The following ARHGEF4 variants were observed in gnomAD, a reference collection of about 807,000 sequenced individuals.
The protein encoded by ARHGEF4 is Rho guanine nucleotide exchange factor 4.
In ARHGEF4, 119 loss-of-function variants were observed where a neutral mutation model predicts 162.0. That is an observed-to-expected ratio of 0.73 (90% CI 0.63 to 0.86). The LOEUF (loss-of-function observed/expected upper bound fraction) is 0.86, where lower values mean the gene tolerates loss of function less well. ARHGEF4 is among the 40% of genes least tolerant of loss of function. The probability of loss-of-function intolerance (pLI) is 0.00; values close to 1 mark genes in which losing one functional copy is unlikely to be tolerated. For synonymous variants in ARHGEF4, 1,014 were observed against 979.9 expected (o/e 1.03, Z -0.65); for missense variants, 2,488 against 2,456.0 (o/e 1.01, Z -0.28).
intron 1 of ARHGEF4, among the ~76,000 whole-genome samples, chr2:130,849,676 T>C (rs1681261640): frequency 6.6e-6 from 1 of 151,850 alleles, no homozygotes; most frequent in Admixed American, 6.6e-5. Context: ...TCAAGTATTC[T>C]CCTGCCTCAA....
chr2:131,032,290 C>T (rs79764075), intron 5 of ARHGEF4, among the ~76,000 whole-genome samples: 12,456 of 151,986 alleles, frequency 0.082, 705 homozygotes, highest in African/African-American at 0.17. Flanking sequence ...TGGCATTCTC[C>T]ATGAGACAAC....
At chr2:131,008,413 G>T (rs749555588) in intron 4 of ARHGEF4, among the ~76,000 whole-genome samples, 1 of 151,990 alleles carries the variant, frequency 6.6e-6, no homozygotes, top group Non-Finnish European at 1.5e-5. Context: ...ATGTTTTGAT[G>T]AATTTTCACA....
intron 4 of ARHGEF4, among the ~76,000 whole-genome samples, chr2:130,959,127 A>G (rs1340996627): frequency 6.6e-6 from 1 of 151,826 alleles, no homozygotes; most frequent in African/African-American, 2.4e-5. Context: ...TTTTTAGTAG[A>G]GATGGGGTTT....
chr2:130,973,306 C>T (rs114205611), intron 4 of ARHGEF4, among the ~76,000 whole-genome samples: 6,362 of 152,240 alleles, frequency 0.042, 147 homozygotes, highest in Middle Eastern at 0.071. Context: ...CTGGCCAACA[C>T]AGTGAAAGGC....
At chr2:130,933,626 G>A (rs940365884) in intron 3 of ARHGEF4, among the ~76,000 whole-genome samples, 5 of 152,180 alleles carry the variant, frequency 3.3e-5, no homozygotes, top group African/African-American at 4.8e-5. Context: ...AGTTTTCACT[G>A]TAAAAAGTCT....
At chr2:130,945,980 A>C (rs976275277) in intron 3 of ARHGEF4, among the ~76,000 whole-genome samples, 1 of 152,192 alleles carries the variant, frequency 6.6e-6, no homozygotes, top group Non-Finnish European at 1.5e-5. Flanking sequence ...AGGTAGAAAA[A>C]AATCAAGAGG....
At chr2:130,876,393 C>CT (rs1043308059) in intron 1 of ARHGEF4, among the ~76,000 whole-genome samples, 13 of 151,946 alleles carry the variant, frequency 8.6e-5, no homozygotes, top group African/African-American at 2.4e-4. Flanking sequence ...GTATGAGCAT[C>CT]TTTTTTTTGT....
rs1196304812 is a variant in ARHGEF4 at position 130,836,927 on chromosome 2, C to G, written c.-27C>G. The G allele has an allele frequency of 2.5e-6, 3 of 1,223,358 alleles. No individual in the cohort carries two copies. The highest frequency in any genetic ancestry group is 3.2e-5 in the East Asian group (1 of 31,064). 75.8% of individuals were successfully genotyped at this position (1,223,358 alleles called of 1,614,324 possible). ...GCGGCGCGGCTCGTAGTGCTGCGGC[C>G]GGGCTCCGGGCGTCCCGGCGGCCAC... On this transcript the variant is annotated 5_prime_UTR_variant, in exon 1 of 14. Coordinates refer to ENST00000409359, the MANE Select transcript of ARHGEF4 (RefSeq NM_001367493.1).
At chr2:130,864,519 G>A (rs1239058219) in intron 1 of ARHGEF4, among the ~76,000 whole-genome samples, 2 of 152,206 alleles carry the variant, frequency 1.3e-5, no homozygotes, top group Non-Finnish European at 2.9e-5. Context: ...GAGGTCAGGA[G>A]TTCAAGACCA....
At chr2:131,039,444 C>T in intron 6 of ARHGEF4, 3 of 1,026,956 alleles carry the variant, frequency 2.9e-6, no homozygotes, top group Non-Finnish European at 3.5e-6. Context: ...CTGGAGATAG[C>T]AGAGAGGGGA....
chr2:131,045,771 G>A, intron 13 of ARHGEF4: 4 of 1,427,048 alleles, frequency 2.8e-6, no homozygotes, highest in Non-Finnish European at 3.7e-6. Flanking sequence ...TTTCTACAGA[G>A]AGCCATGCCC....
Position 130,915,224 on chromosome 2 carries a change from A to G in ARHGEF4, c.1278A>G (p.Glu426=), listed in dbSNP as rs967495199. 1.7e-5 allele frequency: 26 copies of G among 1,550,478 alleles called. No homozygotes were observed. Among genetic ancestry groups the G allele is most frequent in the Non-Finnish European group, 2.1e-5 (24 of 1,147,014 alleles). ...CTCCTTCTGCAGGTCTCCTGGGGGAAAACCAGTTAAGACAGGATTCCAGGT... is the reference window on the plus strand; with the variant it reads ...CTCCTTCTGCAGGTCTCCTGGGGGAGAACCAGTTAAGACAGGATTCCAGGT... ...QDTPSAGLLG[E]NQLRQDSRSC... is the part of the protein sequence containing the mutation. Residue 426 remains glutamate (E), a synonymous_variant, in exon 2 of 14, where the codon GAA becomes GAG. Coordinates refer to ENST00000409359, the MANE Select transcript of ARHGEF4 (RefSeq NM_001367493.1).
chr2:131,044,073 G>A lies in ARHGEF4; in HGVS notation c.5158-226G>A, dbSNP rs148293958. On this transcript the variant is annotated intron_variant, in intron 11 of 13. Transcript: ENST00000409359. Reference sequence around the variant, plus strand: ...CCACCTCAAAGACAGGGCCAACCCCGGGCTAGTCAGTACCTGCAAAATAAA... The same window carrying A: ...CCACCTCAAAGACAGGGCCAACCCCAGGCTAGTCAGTACCTGCAAAATAAA... Among the ~76,000 whole-genome samples, 918 of 152,244 alleles carry A rather than the reference G, an allele frequency of 6.0e-3. 9 individuals are homozygous for A. Among genetic ancestry groups the A allele is most frequent in the African/African-American group, 0.021 (857 of 41,550 alleles).
At chr2:130,844,857 T>C (rs2104862807) in intron 1 of ARHGEF4, among the ~76,000 whole-genome samples, 1 of 151,994 alleles carries the variant, frequency 6.6e-6, no homozygotes, top group Non-Finnish European at 1.5e-5. Flanking sequence ...AATCTCATAC[T>C]CTTGTCACCC....
intron 4 of ARHGEF4, among the ~76,000 whole-genome samples, chr2:130,977,720 G>T (rs1263712015): frequency 1.3e-5 from 2 of 151,942 alleles, no homozygotes; most frequent in African/African-American, 4.8e-5. Flanking sequence ...TGCATCTTGT[G>T]CGTGTGTGGT....
intron 5 of ARHGEF4, chr2:131,034,905 C>T (rs1690126710): frequency 1.1e-6 from 1 of 896,112 alleles, no homozygotes; most frequent in Middle Eastern, 5.7e-4. Flanking sequence ...GCCCGCACAG[C>T]CGGCTTGGTT....
At chr2:130,977,076 CT>C (rs1191405827) in intron 4 of ARHGEF4, among the ~76,000 whole-genome samples, 1 of 147,416 alleles carries the variant, frequency 6.8e-6, no homozygotes, top group Non-Finnish European at 1.5e-5. Context: ...ATGTGTGTTA[CT>C]GTGTGGTGTG....
At chr2:130,997,142 T>C (rs1018939332) in intron 4 of ARHGEF4, among the ~76,000 whole-genome samples, 4 of 152,216 alleles carry the variant, frequency 2.6e-5, no homozygotes, top group African/African-American at 7.2e-5. Flanking sequence ...TTTAATTTTA[T>C]ACATTTCTAT....
At chr2:130,930,641 T>G (rs1232482063) in intron 2 of ARHGEF4, among the ~76,000 whole-genome samples, 1 of 152,202 alleles carries the variant, frequency 6.6e-6, no homozygotes, top group Non-Finnish European at 1.5e-5. Context: ...CTTTAAAAAG[T>G]ATTTCTAATG....
Sources: gnomAD v4.1 joint callset for allele counts (sites outside exome capture counted in the v4.1 genomes callset) on GRCh38, gnomAD v4.1.1 for gene constraint, MANE v1.5 for transcripts, NCBI Gene and HGNC (gene_info 2026-07-23, HGNC 2026-07-21) for gene names.